The following DLGAP2 variants were observed in gnomAD, a reference collection of about 807,000 sequenced individuals.
DLGAP2 encodes the protein disks large-associated protein 2.
DLGAP2 carries 26 observed loss-of-function variants against 100.3 expected under a neutral mutation model. That is an observed-to-expected ratio of 0.26 (90% CI 0.19 to 0.36). The LOEUF is 0.36. Ranked by LOEUF, DLGAP2 falls within the 10% of genes least tolerant of loss-of-function variation. The pLI is 1.00. For missense variants in DLGAP2, 1,858 were observed against 1,453.2 expected (o/e 1.28, Z -4.53); for synonymous variants, 886 against 630.1 (o/e 1.41, Z -6.08).
intron 3 of DLGAP2, among the ~76,000 whole-genome samples, chr8:1,427,835 G>C (rs1479277936): frequency 6.6e-6 from 1 of 152,060 alleles, no homozygotes; most frequent in East Asian, 1.9e-4. Context: ...CCCAGTCTTG[G>C]GTATGTCTTT....
At chr8:1,327,644 A>G (rs1345699702) in intron 3 of DLGAP2, among the ~76,000 whole-genome samples, 1 of 152,112 alleles carries the variant, frequency 6.6e-6, no homozygotes, top group Non-Finnish European at 1.5e-5. Context: ...GGAGATCGAG[A>G]CCATCCTGAC....
At chr8:1,407,016 G>T (rs1273278450) in intron 3 of DLGAP2, among the ~76,000 whole-genome samples, 1 of 31,512 alleles carries the variant, frequency 3.2e-5, no homozygotes, top group Non-Finnish European at 5.2e-5. Context: ...TTGTCCTCCA[G>T]AGTCGTGTAT....
intron 8 of DLGAP2, among the ~76,000 whole-genome samples, chr8:1,634,317 G>A (rs952073670): frequency 1.3e-5 from 2 of 152,158 alleles, no homozygotes; most frequent in African/African-American, 4.8e-5. Flanking sequence ...CACTGAGCCG[G>A]GGGCTTCGGG....
chr8:1,213,722 G>C (rs1798155327), intron 2 of DLGAP2, among the ~76,000 whole-genome samples: 1 of 152,148 alleles, frequency 6.6e-6, no homozygotes, highest in Non-Finnish European at 1.5e-5. Context: ...TCTCCCATCA[G>C]GATGTCGGGG....
chr8:1,453,010 G>T (rs73534622), intron 3 of DLGAP2, among the ~76,000 whole-genome samples: 1 of 152,196 alleles, frequency 6.6e-6, no homozygotes, highest in African/African-American at 2.4e-5. Context: ...ACAATTCAAA[G>T]GAAGACACAC....
chr8:1,556,673 C>G (rs1265769597), intron 5 of DLGAP2, among the ~76,000 whole-genome samples: 3 of 152,164 alleles, frequency 2.0e-5, no homozygotes, highest in Non-Finnish European at 2.9e-5. Flanking sequence ...CCTTGTCTGT[C>G]TTGGTGTTAA....
At chr8:1,169,414 T>G (rs1797083068) in intron 2 of DLGAP2, among the ~76,000 whole-genome samples, 1 of 152,192 alleles carries the variant, frequency 6.6e-6, no homozygotes, top group South Asian at 2.1e-4. Context: ...TCCAATTCTG[T>G]GAAGAAAGTC....
At chr8:1,225,677 A>G (rs1194145635) in intron 2 of DLGAP2, among the ~76,000 whole-genome samples, 1 of 152,268 alleles carries the variant, frequency 6.6e-6, no homozygotes, top group East Asian at 1.9e-4. Context: ...ACAAATTTCT[A>G]CTAGGTACAT....
intron 1 of DLGAP2, among the ~76,000 whole-genome samples, chr8:792,465 A>T (rs180683770): frequency 6.6e-6 from 1 of 152,334 alleles, no homozygotes; most frequent in Admixed American, 6.5e-5. Context: ...ATGTTTCACC[A>T]TAATAAAAAC....
At chr8:1,368,713 C>T (rs1802167983) in intron 3 of DLGAP2, 1 of 152,178 alleles carries the variant, frequency 6.6e-6, no homozygotes, top group Admixed American at 6.5e-5. Flanking sequence ...TACAGCGTTA[C>T]CTCATTAGCT....
At chr8:787,938 G>A (rs1439743298) in intron 1 of DLGAP2, among the ~76,000 whole-genome samples, 3 of 152,128 alleles carry the variant, frequency 2.0e-5, no homozygotes, top group Non-Finnish European at 2.9e-5. Context: ...ACGTATGGTG[G>A]CATTCCAGGT....
intron 12 of DLGAP2, chr8:1,688,395 G>A (rs145437696): frequency 1.3e-5 from 2 of 152,336 alleles, no homozygotes; most frequent in East Asian, 1.9e-4. Flanking sequence ...AGTGTTATCC[G>A]AGTTACTTGC....
chr8:948,810 C>T (rs535937661), intron 2 of DLGAP2, among the ~76,000 whole-genome samples: 2 of 152,378 alleles, frequency 1.3e-5, no homozygotes, highest in South Asian at 2.1e-4. Context: ...CATGAGTGAC[C>T]GGGCAAACAC....
chr8:1,077,693 G>T (rs1803666476), intron 2 of DLGAP2, among the ~76,000 whole-genome samples: 1 of 152,208 alleles, frequency 6.6e-6, no homozygotes, highest in African/African-American at 2.4e-5. Flanking sequence ...ATGTTCTTAA[G>T]AAGCCCTTGA....
intron 1 of DLGAP2, among the ~76,000 whole-genome samples, chr8:895,425 C>T (rs759121425): frequency 4.6e-5 from 7 of 152,120 alleles, no homozygotes; most frequent in Non-Finnish European, 1.0e-4. Flanking sequence ...CCTCTGTTTC[C>T]GGGGAGCAGG....
At chr8:881,031 G>C (rs950908061) in intron 1 of DLGAP2, among the ~76,000 whole-genome samples, 4 of 152,204 alleles carry the variant, frequency 2.6e-5, no homozygotes, top group African/African-American at 7.2e-5. Context: ...TTATATATAA[G>C]TGAGTAAGGT....
intron 2 of DLGAP2, among the ~76,000 whole-genome samples, chr8:947,254 C>T (rs1011756641): frequency 1.2e-4 from 18 of 152,312 alleles, no homozygotes; most frequent in African/African-American, 4.3e-4. Context: ...CCAGGAATCT[C>T]CCGGGGTCCA....
At chr8:1,194,527 A>T (rs1457938784) in intron 2 of DLGAP2, among the ~76,000 whole-genome samples, 1 of 152,050 alleles carries the variant, frequency 6.6e-6, no homozygotes, top group Non-Finnish European at 1.5e-5. Flanking sequence ...ACTCCTTGTG[A>T]TGTGAAGAAA....
intron 2 of DLGAP2, among the ~76,000 whole-genome samples, chr8:1,210,621 G>A (rs916623294): frequency 6.6e-6 from 1 of 152,180 alleles, no homozygotes; most frequent in Admixed American, 6.5e-5. Context: ...GCTCCCTCTG[G>A]GGCCTAGTTC....
Sources: gnomAD v4.1 joint callset for allele counts (sites outside exome capture counted in the v4.1 genomes callset) on GRCh38, gnomAD v4.1.1 for gene constraint, MANE v1.5 for transcripts, NCBI Gene and HGNC (gene_info 2026-07-23, HGNC 2026-07-21) for gene names.